Variants in FSTL5 observed in about 807,000 individuals in gnomAD.
FSTL5 encodes follistatin-related protein 5.
A neutral mutation model predicts 89.1 loss-of-function variants in FSTL5; 62 were observed. The ratio of observed to expected loss-of-function variants is 0.70; its 90% CI spans 0.57 to 0.86. FSTL5 has a LOEUF of 0.86. Ranked by LOEUF, FSTL5 falls within the 40% of genes least tolerant of loss-of-function variation. The pLI, the probability that FSTL5 is intolerant of heterozygous loss-of-function variation, is 0.00. For missense variants in FSTL5, 1,057 were observed against 1,001.6 expected (o/e 1.06, Z -0.75); for synonymous variants, 383 against 346.2 (o/e 1.11, Z -1.18).
At chr4:161,569,923 A>T (rs1167142136) in intron 8 of FSTL5, among the ~76,000 whole-genome samples, 1 of 152,272 alleles carries the variant, frequency 6.6e-6, no homozygotes, top group Admixed American at 6.5e-5. Flanking sequence ...CAACAGAAGA[A>T]CATGAAAAAC....
At chr4:161,808,660 A>T (rs1730046878) in intron 4 of FSTL5, among the ~76,000 whole-genome samples, 1 of 152,166 alleles carries the variant, frequency 6.6e-6, no homozygotes, top group African/African-American at 2.4e-5. Context: ...AAACTCATCA[A>T]AATTGAAAAC....
chr4:161,397,528 T>C (rs1257383793), intron 15 of FSTL5, among the ~76,000 whole-genome samples: 2 of 151,454 alleles, frequency 1.3e-5, no homozygotes, highest in African/African-American at 4.8e-5. Flanking sequence ...GTATATATAA[T>C]TTTTAACATA....
intron 8 of FSTL5, among the ~76,000 whole-genome samples, chr4:161,558,642 T>C (rs895089622): frequency 2.0e-5 from 3 of 151,818 alleles, no homozygotes; most frequent in Non-Finnish European, 2.9e-5. Flanking sequence ...GTATTTAATA[T>C]AGTTCACTGC....
At chr4:161,991,988 TC>T (rs1736125382) in intron 3 of FSTL5, among the ~76,000 whole-genome samples, 1 of 151,966 alleles carries the variant, frequency 6.6e-6, no homozygotes, top group Admixed American at 6.6e-5. Context: ...AGTGCAAAAA[TC>T]CCAGGAAGAG....
chr4:161,619,629 C>T (rs1490948889), intron 7 of FSTL5, among the ~76,000 whole-genome samples: 3 of 152,136 alleles, frequency 2.0e-5, no homozygotes, highest in Non-Finnish European at 4.4e-5. Flanking sequence ...CAAATCAAAA[C>T]CACAATGAGA....
At chr4:161,404,766 G>A (rs1426585894) in intron 15 of FSTL5, among the ~76,000 whole-genome samples, 2 of 150,840 alleles carry the variant, frequency 1.3e-5, no homozygotes, top group Non-Finnish European at 2.9e-5. Context: ...TATTTCTAGT[G>A]TTTCTACATT....
intron 7 of FSTL5, among the ~76,000 whole-genome samples, chr4:161,630,475 C>T (rs1376322322): frequency 6.6e-6 from 1 of 152,160 alleles, no homozygotes; most frequent in African/African-American, 2.4e-5. Flanking sequence ...ACAGCAATAA[C>T]TTTCTCATCA....
intron 4 of FSTL5, among the ~76,000 whole-genome samples, chr4:161,897,691 A>G (rs2110778680): frequency 6.6e-6 from 1 of 152,236 alleles, no homozygotes; most frequent in African/African-American, 2.4e-5. Flanking sequence ...AATGTGGCAA[A>G]TTTGTTACAA....
In FSTL5 at chr4:161,920,529, C is replaced by T. The variant is rs765654217; in HGVS notation, c.284G>A (p.Arg95His). ...AECACMDLCK[R>H]HYKPVCGSDG... ...AGATCCACACACAGGTTTGTAGTGA[C>T]GTTTGCAAAGGTCCATACAGGCACA... The change falls in exon 4 of 16, where the codon CGT becomes CAT. Residue 95 changes from arginine (R) to histidine (H), a missense_variant. Around this residue, in one of 3 missense-constraint regions of FSTL5, gnomAD observed 980 missense variants for 903.2 expected, o/e 1.08. Transcript: ENST00000306100. 1.3e-5 allele frequency: 21 copies of T among 1,613,876 alleles called. No homozygotes were observed. Among genetic ancestry groups the T allele is most frequent in the Admixed American group, 6.7e-5 (4 of 59,974 alleles).
At chr4:162,079,450 T>C (rs1268682821) in intron 2 of FSTL5, among the ~76,000 whole-genome samples, 2 of 151,678 alleles carry the variant, frequency 1.3e-5, no homozygotes, top group African/African-American at 2.4e-5. Context: ...TTAATATCTA[T>C]AAAATGGTTA....
chr4:162,117,448 A>T (rs1255559005), intron 1 of FSTL5, among the ~76,000 whole-genome samples: 1 of 152,222 alleles, frequency 6.6e-6, no homozygotes, highest in African/African-American at 2.4e-5. Context: ...GGAGTTTAGC[A>T]AAGAGATATG....
rs138514471 is a variant in FSTL5, at chr4:161,568,038, C to A, written c.1015+19417G>T. On this transcript the variant is annotated intron_variant, in intron 8 of 15. Transcript: ENST00000306100. ...ATTCTATTCTGCTCTCTTGGCAATA[C>A]GAGATCAGCAGTGTTGGCTCTGTCT... 5.0e-3 allele frequency among the ~76,000 whole-genome samples: 751 copies of A among 151,646 alleles called. 7 individuals carry two copies. Among genetic ancestry groups the A allele is most frequent in the African/African-American group, 0.017 (705 of 41,356 alleles).
intron 2 of FSTL5, among the ~76,000 whole-genome samples, chr4:162,105,235 ACACTTAAGAT>A (rs1310957039): frequency 1.3e-5 from 2 of 152,160 alleles, no homozygotes; most frequent in African/African-American, 4.8e-5. Context: ...TGTGGTGAGA[ACACTTAAGAT>A]CTACCCTACT....
rs117140909 is a variant in FSTL5 at position 161,998,509 on chromosome 4, A to G, written c.160+35116T>C. ...TCTTTAACTGATCTCAGCATTTAAA[A>G]TCCTTCACCTTTGTTTCAGCTTGAC... On this transcript the variant is annotated intron_variant, in intron 3 of 15. Coordinates refer to ENST00000306100, the MANE Select transcript of FSTL5 (RefSeq NM_020116.5). Among the ~76,000 whole-genome samples, 110 of 152,228 alleles carry G rather than the reference A, an allele frequency of 7.2e-4. 1 individual carries two copies. The South Asian group carries it at 0.016, about 22-fold the overall frequency.
intron 4 of FSTL5, among the ~76,000 whole-genome samples, chr4:161,903,277 T>C (rs1212499243): frequency 6.6e-6 from 1 of 152,144 alleles, no homozygotes; most frequent in African/African-American, 2.4e-5. Context: ...CCCTGAGTGT[T>C]CTATTCAAAT....
chr4:161,763,399 G>T (rs543151588), intron 5 of FSTL5, among the ~76,000 whole-genome samples: 2 of 152,276 alleles, frequency 1.3e-5, no homozygotes, highest in African/African-American at 4.8e-5. Flanking sequence ...GTATAGAGAG[G>T]TATGGGTGTT....
At chr4:161,546,046 T>G (rs1364631584) in intron 8 of FSTL5, among the ~76,000 whole-genome samples, 11 of 151,658 alleles carry the variant, frequency 7.3e-5, no homozygotes, top group Admixed American at 7.3e-4. Context: ...ATGTTGTAAT[T>G]AAAATAAATC....
At chr4:161,585,239 G>A (rs1733566885) in intron 8 of FSTL5, among the ~76,000 whole-genome samples, 1 of 152,178 alleles carries the variant, frequency 6.6e-6, no homozygotes, top group African/African-American at 2.4e-5. Flanking sequence ...AAATGAGTAA[G>A]TTATGTAAGA....
rs775698529 is a variant in FSTL5, at chr4:161,454,915, C to T, written c.1841+89G>A. On this transcript the variant is annotated intron_variant, in intron 15 of 15. Transcript: ENST00000306100. ...TTCAATTGTACATGTGTATTTGTTT[C>T]ATATCTAAGTTTCTTTACGATTTCA... The T allele has an allele frequency of 4.5e-4, 557 of 1,235,270 alleles. 4 individuals are homozygous for T. Among genetic ancestry groups the T allele is most frequent in the Middle Eastern group, 2.1e-3 (9 of 4,244 alleles). 76.5% of individuals were successfully genotyped at this position (1,235,270 alleles called of 1,614,324 possible).
Sources: allele counts gnomAD v4.1 joint callset (sites outside exome capture counted in the v4.1 genomes callset), GRCh38; gene constraint gnomAD v4.1.1; regional missense constraint gnomAD v4.1.1; transcripts MANE v1.5; gene names NCBI Gene and HGNC (gene_info 2026-07-23, HGNC 2026-07-21).